The following TNKS variants were observed in gnomAD, a reference collection of about 807,000 sequenced individuals.
TNKS encodes tankyrase, also known as poly [ADP-ribose] polymerase tankyrase-1.
Under a neutral mutation model 135.8 loss-of-function variants are expected in TNKS, and 72 were observed. The observed-to-expected ratio is 0.53, with a 90% CI of 0.44 to 0.64. The LOEUF (loss-of-function observed/expected upper bound fraction) is 0.64, where lower values mean the gene tolerates loss of function less well. TNKS is among the 30% of genes least tolerant of loss of function. TNKS has a pLI of 0.00. For missense variants in TNKS, 1,769 were observed against 1,674.0 expected (o/e 1.06, Z -0.99); for synonymous variants, 849 against 649.3 (o/e 1.31, Z -4.68).
In TNKS at chr8:9,780,680, T is replaced by C. The variant is rs571040921; in HGVS notation, c.*3944T>C. ...ATGGCGGAAACTTTTTAACCTTTTA[T>C]ATTTTAATAAATAAAACATTGTAGT... On this transcript the variant is annotated 3_prime_UTR_variant, in exon 27 of 27. Coordinates refer to ENST00000310430, the MANE Select transcript of TNKS (RefSeq NM_003747.3). 6.6e-6 allele frequency: 1 copy of C among 152,386 alleles called. No individual in the cohort carries two copies. The highest frequency in any genetic ancestry group is 1.9e-4 in the East Asian group (1 of 5,190). The allele number at this position is 152,386 out of a possible 1,614,324, so 9.4% of individuals were successfully genotyped here. A position where few individuals can be genotyped will look rare whatever the true frequency, so the allele number is the denominator to read the frequency against.
chr8:9,638,717 C>G (rs1412808866), intron 3 of TNKS, among the ~76,000 whole-genome samples: 3 of 151,876 alleles, frequency 2.0e-5, no homozygotes, highest in Admixed American at 6.6e-5. Context: ...GATAGTTTCC[C>G]TTAAGAAATT....
chr8:9,565,654 A>G (rs1377167858), intron 1 of TNKS, among the ~76,000 whole-genome samples: 1 of 152,138 alleles, frequency 6.6e-6, no homozygotes, highest in Non-Finnish European at 1.5e-5. Context: ...GATGGAGGCC[A>G]TCCTGGCTAG....
intron 3 of TNKS, among the ~76,000 whole-genome samples, chr8:9,645,252 A>C (rs1016605182): frequency 2.6e-5 from 4 of 152,124 alleles, no homozygotes; most frequent in Non-Finnish European, 4.4e-5. Context: ...GAATCCCAAG[A>C]TCAGGGAGAA....
At chr8:9,614,118 A>G (rs1799555674) in intron 2 of TNKS, among the ~76,000 whole-genome samples, 1 of 152,214 alleles carries the variant, frequency 6.6e-6, no homozygotes, top group South Asian at 2.1e-4. Flanking sequence ...AAGACCTTTT[A>G]TAAGCCAAAT....
chr8:9,685,260 T>C (rs1802941100), intron 5 of TNKS, among the ~76,000 whole-genome samples: 1 of 152,126 alleles, frequency 6.6e-6, no homozygotes, highest in Non-Finnish European at 1.5e-5. Flanking sequence ...ATAGGGCAAA[T>C]AGACTGTAAG....
At chr8:9,751,278 A>C (rs1806515443) in intron 18 of TNKS, among the ~76,000 whole-genome samples, 1 of 152,270 alleles carries the variant, frequency 6.6e-6, no homozygotes, top group South Asian at 2.1e-4. Context: ...AGTGTGAAGT[A>C]AATAACCAGA....
chr8:9,635,923 TA>T (rs1800492486), intron 3 of TNKS, among the ~76,000 whole-genome samples: 1 of 152,168 alleles, frequency 6.6e-6, no homozygotes, highest in African/African-American at 2.4e-5. Flanking sequence ...AAAAATGCTA[TA>T]AAGGCTATAA....
chr8:9,766,593 C>T (rs954284202), intron 25 of TNKS, among the ~76,000 whole-genome samples, 168 bp downstream of exon 25: 1 of 149,482 alleles, frequency 6.7e-6, no homozygotes, highest in African/African-American at 2.5e-5. Flanking sequence ...TCAAGCAATT[C>T]TCCTGCCTCA....
At chr8:9,699,542 A>G (rs1047972898) in intron 5 of TNKS, among the ~76,000 whole-genome samples, 4 of 151,802 alleles carry the variant, frequency 2.6e-5, no homozygotes, top group Admixed American at 2.0e-4. Flanking sequence ...ATTTATTTCT[A>G]TGTGCCTTCT....
intron 3 of TNKS, among the ~76,000 whole-genome samples, chr8:9,642,984 A>G (rs114327676): frequency 0.013 from 1,885 of 146,326 alleles, 215 homozygotes; most frequent in African/African-American, 0.027. Flanking sequence ...ATTTTTATAT[A>G]CTTTTTTAAG....
At chr8:9,698,471 C>T (rs1458591402) in intron 5 of TNKS, among the ~76,000 whole-genome samples, 1 of 148,104 alleles carries the variant, frequency 6.8e-6, no homozygotes, top group Non-Finnish European at 1.5e-5. Context: ...GTGATAAATA[C>T]CGTATTATGT....
chr8:9,730,265 C>T (rs1805368827), intron 13 of TNKS, among the ~76,000 whole-genome samples: 1 of 152,050 alleles, frequency 6.6e-6, no homozygotes, highest in Non-Finnish European at 1.5e-5. Flanking sequence ...ATTTGGAGGA[C>T]ATCTCTGAAA....
At chr8:9,627,800 A>G (rs958699188) in intron 3 of TNKS, among the ~76,000 whole-genome samples, 1 of 152,072 alleles carries the variant, frequency 6.6e-6, no homozygotes, top group African/African-American at 2.4e-5. Context: ...ATAACCATAA[A>G]TCTCAAGTGT....
intron 1 of TNKS, among the ~76,000 whole-genome samples, chr8:9,579,799 A>T (rs7818016): frequency 0.072 from 10,977 of 152,190 alleles, 429 homozygotes; most frequent in South Asian, 0.17. Context: ...TGTTTCTATG[A>T]ATGTAGTGAT....
At position 9,777,129 on chromosome 8, in the gene TNKS, C is replaced by G. The variant is rs147614367; in HGVS notation, c.*393C>G. The G allele has an allele frequency of 2.5e-4, 41 of 165,040 alleles. No homozygotes were observed. The East Asian group carries it at 4.8e-3, about 19-fold the overall frequency. 10.2% of individuals were successfully genotyped at this position (165,040 alleles called of 1,614,324 possible). On this transcript the variant is annotated 3_prime_UTR_variant, in exon 27 of 27. Transcript: ENST00000310430. ...CGTGTCTATAACAAATATACACATACGACAGGCAACAAGCTTGTTTTTGAT... is the reference window on the plus strand; with the variant it reads ...CGTGTCTATAACAAATATACACATAGGACAGGCAACAAGCTTGTTTTTGAT...
chr8:9,718,704 C>T (rs1414503749), intron 11 of TNKS, among the ~76,000 whole-genome samples: 1 of 152,166 alleles, frequency 6.6e-6, no homozygotes, highest in Admixed American at 6.5e-5. Flanking sequence ...ACCTCTAAAA[C>T]TGCCAGACAT....
At chr8:9,696,103 G>A (rs1803504061) in intron 5 of TNKS, among the ~76,000 whole-genome samples, 1 of 152,172 alleles carries the variant, frequency 6.6e-6, no homozygotes, top group African/African-American at 2.4e-5. Flanking sequence ...GACTAGGTTG[G>A]AGATATAACT....
intron 13 of TNKS, 46 bp from the exon 14 acceptor site, chr8:9,730,844 G>C (rs754906361): frequency 6.3e-7 from 1 of 1,576,672 alleles, no homozygotes; most frequent in Non-Finnish European, 8.6e-7. Flanking sequence ...TGTGAATAAA[G>C]AGTAATGTTC....
chr8:9,688,216 A>G (rs1014360308), intron 5 of TNKS, among the ~76,000 whole-genome samples: 2 of 152,230 alleles, frequency 1.3e-5, no homozygotes, highest in South Asian at 2.1e-4. Flanking sequence ...TGTTCAGTTA[A>G]TATCATTTGA....
Sources: allele counts gnomAD v4.1 joint callset (sites outside exome capture counted in the v4.1 genomes callset), GRCh38; gene constraint gnomAD v4.1.1; transcripts MANE v1.5; gene names NCBI Gene and HGNC (gene_info 2026-07-23, HGNC 2026-07-21).